PSTPIP2: variants seen among roughly 807,000 people sequenced by gnomAD.
PSTPIP2 encodes the protein proline-serine-threonine phosphatase-interacting protein 2.
Under a neutral mutation model 63.3 loss-of-function variants are expected in PSTPIP2, and 33 were observed. The observed-to-expected ratio is 0.52, with a 90% CI of 0.40 to 0.70. The LOEUF (loss-of-function observed/expected upper bound fraction) is 0.70, where lower values mean the gene tolerates loss of function less well. Among genes scored for constraint, PSTPIP2 ranks in the 30% least tolerant of loss-of-function variants. The pLI is 0.00. For synonymous variants in PSTPIP2, 125 were observed against 132.7 expected, an observed-to-expected ratio of 0.94 and a Z score of 0.40; for missense variants, 312 against 400.7, an observed-to-expected ratio of 0.78 and a Z score of 1.89.
intron 2 of PSTPIP2, among the ~76,000 whole-genome samples, chr18:46,027,358 T>A (rs634811): frequency 0.99 from 149,504 of 150,810 alleles, 74,109 homozygotes; most frequent in Middle Eastern, 1. Flanking sequence ...ATTAAAAAAA[T>A]TTTTTTTAAA....
intron 9 of PSTPIP2, among the ~76,000 whole-genome samples, chr18:45,997,350 G>T (rs548237601): frequency 6.6e-6 from 1 of 151,836 alleles, no homozygotes; most frequent in Non-Finnish European, 1.5e-5. Flanking sequence ...CACCACACCC[G>T]GCTAATTTTT....
Position 46,072,200 on chromosome 18 carries a change from T to G in PSTPIP2, c.-12A>C. On this transcript the variant is annotated 5_prime_UTR_variant, in exon 1 of 15. Coordinates refer to ENST00000409746, the MANE Select transcript of PSTPIP2 (RefSeq NM_024430.4). ...AGTGAGCGCGTCATCGCAGCGCGAG[T>G]GGGGGCGCGGAGGAGAGCCGGGCCG... 6.5e-7 allele frequency: 1 copy of G among 1,535,094 alleles called. No homozygotes were observed. Among genetic ancestry groups the G allele is most frequent in the East Asian group, 2.5e-5 (1 of 39,374 alleles).
intron 5 of PSTPIP2, among the ~76,000 whole-genome samples, chr18:46,009,259 G>T (rs149932589): frequency 1.2e-3 from 180 of 150,516 alleles, no homozygotes; most frequent in Middle Eastern, 6.8e-3. Context: ...TTCCTTAAGT[G>T]GAAATGGCTT....
intron 1 of PSTPIP2, among the ~76,000 whole-genome samples, chr18:46,059,891 C>T (rs1036236144): frequency 6.6e-6 from 1 of 152,004 alleles, no homozygotes; most frequent in Non-Finnish European, 1.5e-5. Context: ...ATTACCCGGG[C>T]GTGGTGGCAC....
intron 5 of PSTPIP2, among the ~76,000 whole-genome samples, chr18:46,010,448 G>GA (rs1297119553): frequency 6.6e-6 from 1 of 152,098 alleles, no homozygotes; most frequent in African/African-American, 2.4e-5. Flanking sequence ...ACCAGACACA[G>GA]AAAAAAATTC....
intron 2 of PSTPIP2, among the ~76,000 whole-genome samples, chr18:46,026,832 G>A (rs755257041): frequency 1.3e-5 from 2 of 152,096 alleles, no homozygotes; most frequent in African/African-American, 2.4e-5. Context: ...AGGCTGCAGC[G>A]CACTATGATA....
At chr18:46,071,028 C>T (rs1324182095) in intron 1 of PSTPIP2, among the ~76,000 whole-genome samples, 2 of 152,116 alleles carry the variant, frequency 1.3e-5, no homozygotes, top group African/African-American at 2.4e-5. Context: ...ATCTGTGGTG[C>T]CCTTGGTTCC....
chr18:46,058,694 G>GA (rs1464712928), intron 1 of PSTPIP2, among the ~76,000 whole-genome samples: 1 of 152,146 alleles, frequency 6.6e-6, no homozygotes, highest in Non-Finnish European at 1.5e-5. Context: ...CAATAAAAAT[G>GA]AAAAATAAAT....
chr18:46,039,914 A>G (rs1324676950), intron 2 of PSTPIP2, 33 bp downstream of exon 2: 1 of 1,557,078 alleles, frequency 6.4e-7, no homozygotes, highest in South Asian at 1.1e-5. Context: ...ATCTTGGCCC[A>G]CCCTCTTCAG....
At chr18:45,999,011 C>A (rs2051636033) in intron 7 of PSTPIP2, among the ~76,000 whole-genome samples, 172 bp from the exon 8 acceptor site, 1 of 152,186 alleles carries the variant, frequency 6.6e-6, no homozygotes, top group Non-Finnish European at 1.5e-5. Flanking sequence ...GCAATCTTAT[C>A]AATCTTGGAA....
intron 5 of PSTPIP2, 70 bp downstream of exon 5, chr18:46,011,111 T>G: frequency 7.8e-7 from 1 of 1,284,368 alleles, no homozygotes; most frequent in Middle Eastern, 1.8e-4. Flanking sequence ...CTGAGGAGTA[T>G]AATGAACAAA....
Position 45,988,755 on chromosome 18 carries a change from A to C in PSTPIP2, c.960T>G (p.Asp320Glu). The change falls in exon 14 of 15, where the codon GAT (aspartate) becomes GAG (glutamate). Residue 320 changes from aspartate to glutamate, a missense_variant. Transcript: ENST00000409746. ...PLPIPKSSPDDPNYSLVDDYS... is the reference protein window; with the variant it reads ...PLPIPKSSPDEPNYSLVDDYS... ...AGTCATCAACCAAAGAGTAATTGGGATCATCTGCAAAAGGCAGAACACAGA... is the reference window on the plus strand; with the variant it reads ...AGTCATCAACCAAAGAGTAATTGGGCTCATCTGCAAAAGGCAGAACACAGA... The C allele has an allele frequency of 6.4e-7, 1 of 1,561,378 alleles. No individual in the cohort carries two copies. The highest frequency in any genetic ancestry group is 1.4e-5 in the African/African-American group (1 of 73,492).
intron 1 of PSTPIP2, among the ~76,000 whole-genome samples, chr18:46,058,252 T>G (rs1908844713): frequency 1.3e-5 from 2 of 152,088 alleles, no homozygotes; most frequent in African/African-American, 4.8e-5. Flanking sequence ...CCCTGGAGGT[T>G]GGGATTTGAA....
At chr18:46,033,575 G>C (rs1299370218) in intron 2 of PSTPIP2, among the ~76,000 whole-genome samples, 1 of 152,032 alleles carries the variant, frequency 6.6e-6, no homozygotes, top group Non-Finnish European at 1.5e-5. Flanking sequence ...GTGCACGTCT[G>C]TAGTCCCAGG....
At chr18:45,999,648 G>T in intron 6 of PSTPIP2, 114 bp from the exon 7 acceptor site, 1 of 982,972 alleles carries the variant, frequency 1.0e-6, no homozygotes, top group Non-Finnish European at 1.5e-6. Flanking sequence ...TTAGTGCTCT[G>T]ATTGTCACTA....
chr18:46,056,150 C>T (rs547065903), intron 1 of PSTPIP2, among the ~76,000 whole-genome samples: 53 of 152,322 alleles, frequency 3.5e-4, no homozygotes, highest in African/African-American at 1.3e-3. Context: ...GTGCTGGCTT[C>T]GCTTCTTATG....
chr18:46,065,558 C>T (rs1324625762), intron 1 of PSTPIP2, among the ~76,000 whole-genome samples: 1 of 152,190 alleles, frequency 6.6e-6, no homozygotes, highest in African/African-American at 2.4e-5. Context: ...CCTCCGCCTC[C>T]CGGGTTCAAG....
rs1907701337 is a variant in PSTPIP2 at position 46,029,227 on chromosome 18, A to C, written c.135-4541T>G. 6.1e-6 allele frequency: 6 copies of C among 984,000 alleles called. No homozygotes were observed. The South Asian group carries it at 7.9e-5, about 13-fold the overall frequency. The allele number at this position is 984,000 out of a possible 1,614,324, so 61.0% of individuals were successfully genotyped here. A position where few individuals can be genotyped will look rare whatever the true frequency, so the allele number is the denominator to read the frequency against. ...TGCATCAAGTGAGAGGTTTGAAAGA[A>C]GATAGTGAGGAGCTTTGAAGATGTC... On this transcript the variant is annotated intron_variant, in intron 2 of 14. Coordinates refer to ENST00000409746, the MANE Select transcript of PSTPIP2 (RefSeq NM_024430.4).
chr18:46,059,887 C>T (rs928981944), intron 1 of PSTPIP2, among the ~76,000 whole-genome samples: 3 of 151,866 alleles, frequency 2.0e-5, no homozygotes, highest in Non-Finnish European at 4.4e-5. Context: ...AAAAATTACC[C>T]GGGCGTGGTG....
Sources: gnomAD v4.1 joint callset for allele counts (sites outside exome capture counted in the v4.1 genomes callset) on GRCh38, gnomAD v4.1.1 for gene constraint, MANE v1.5 for transcripts, NCBI Gene and HGNC (gene_info 2026-07-23, HGNC 2026-07-21) for gene names.